SLC23A2: variants seen among roughly 807,000 people sequenced by gnomAD.
SLC23A2 encodes Na(+)/L-ascorbic acid transporter 2.
In SLC23A2, 36 loss-of-function variants were observed where a neutral mutation model predicts 73.3. That is an observed-to-expected ratio of 0.49 (90% CI 0.38 to 0.65). SLC23A2 has a LOEUF of 0.65. SLC23A2 is among the 30% of genes least tolerant of loss of function. SLC23A2 has a pLI of 0.00. For missense variants in SLC23A2, 507 were observed against 841.6 expected (o/e 0.60, Z 4.92); for synonymous variants, 343 against 327.3 (o/e 1.05, Z -0.52).
At chr20:4,972,317 T>C (rs1391536791) in intron 1 of SLC23A2, among the ~76,000 whole-genome samples, 2 of 151,822 alleles carry the variant, frequency 1.3e-5, no homozygotes, top group African/African-American at 4.8e-5. Context: ...ATCAGACTGG[T>C]ACCAGTCCAG....
chr20:4,989,032 A>G (rs1008087123), intron 1 of SLC23A2, among the ~76,000 whole-genome samples: 3 of 151,924 alleles, frequency 2.0e-5, no homozygotes, highest in Non-Finnish European at 2.9e-5. Context: ...GTCAGGAGGG[A>G]GTTCGAGACC....
chr20:4,970,382 G>A (rs939317221), intron 2 of SLC23A2, among the ~76,000 whole-genome samples: 1 of 152,074 alleles, frequency 6.6e-6, no homozygotes, highest in African/African-American at 2.4e-5. Context: ...ACGTACAAAG[G>A]TAAGGTCAAG....
chr20:4,859,251 TA>T (rs35881880), intron 16 of SLC23A2, 37 bp downstream of exon 16: 75,736 of 931,460 alleles, frequency 0.081, 7 homozygotes, highest in East Asian at 0.12. Flanking sequence ...TGTTAAAAAA[TA>T]AAAAAAAAAA....
intron 4 of SLC23A2, among the ~76,000 whole-genome samples, chr20:4,912,406 A>G (rs747159898): frequency 2.6e-5 from 4 of 152,124 alleles, no homozygotes; most frequent in Admixed American, 6.5e-5. Flanking sequence ...TATCTGTAAC[A>G]GGCACGATGC....
chr20:4,954,398 GA>G (rs1048118352), intron 2 of SLC23A2, among the ~76,000 whole-genome samples: 7 of 151,918 alleles, frequency 4.6e-5, no homozygotes, highest in Admixed American at 6.6e-5. Flanking sequence ...CAAACCCCAT[GA>G]AAAAAGGAAC....
In SLC23A2 at chr20:4,960,833, A is replaced by T. The variant is rs192601590; in HGVS notation, c.-155+9960T>A. Among the ~76,000 whole-genome samples, 218 of 152,324 alleles carry T rather than the reference A, an allele frequency of 1.4e-3. 1 individual carries two copies. The highest frequency in any genetic ancestry group is 4.9e-3 in the African/African-American group (205 of 41,576). ...AAACAAAATACCTGAAGCAAAAATG[A>T]CATGTTTAGATTTATTAGGTCTGGG... is the stretch of plus-strand genomic sequence containing the variant. On this transcript the variant is annotated intron_variant, in intron 2 of 16. Transcript: ENST00000338244.
At chr20:4,887,738 T>C (rs1931160100) in intron 6 of SLC23A2, among the ~76,000 whole-genome samples, 1 of 152,166 alleles carries the variant, frequency 6.6e-6, no homozygotes, top group African/African-American at 2.4e-5. Flanking sequence ...CGAGATGATC[T>C]GGAAAGGGCT....
At chr20:4,877,175 A>T (rs575098740) in intron 9 of SLC23A2, among the ~76,000 whole-genome samples, 7 of 149,586 alleles carry the variant, frequency 4.7e-5, no homozygotes, top group Non-Finnish European at 7.4e-5. Flanking sequence ...ATATAAATAA[A>T]TAAATAAATA....
In SLC23A2 at chr20:4,856,332, C is replaced by G. The variant is rs1415469876; in HGVS notation, c.*640G>C. ...TCAGATATTGGCTTCAGGGTCCTTTCCTTTTCCCTCCAATGCCCCAAACAG... is the reference window on the plus strand; with the variant it reads ...TCAGATATTGGCTTCAGGGTCCTTTGCTTTTCCCTCCAATGCCCCAAACAG... On this transcript the variant is annotated 3_prime_UTR_variant, in exon 17 of 17. Transcript: ENST00000338244. This position sits in a 1 kb window ranked among gnomAD's most constrained non-coding sequence, Gnocchi z 4.6. The G allele has an allele frequency of 6.6e-6, 1 of 152,284 alleles. No individual in the cohort carries two copies. The highest frequency in any genetic ancestry group is 1.5e-5 in the Non-Finnish European group (1 of 68,110). 9.4% of individuals were successfully genotyped at this position (152,284 alleles called of 1,614,324 possible). A position where few individuals can be genotyped will look rare whatever the true frequency, so the allele number is the denominator to read the frequency against.
At chr20:4,967,348 G>C (rs2087489975) in intron 2 of SLC23A2, among the ~76,000 whole-genome samples, 1 of 151,930 alleles carries the variant, frequency 6.6e-6, no homozygotes, top group Admixed American at 6.6e-5. Flanking sequence ...ATAAACAGCT[G>C]GTCTTAATCC....
At position 4,853,151 on chromosome 20, in the gene SLC23A2, C is replaced by T. The variant is rs1025048953; in HGVS notation, c.*3821G>A. The T allele has an allele frequency of 6.6e-6, 1 of 152,360 alleles. No homozygotes were observed. Among genetic ancestry groups the T allele is most frequent in the South Asian group, 2.1e-4 (1 of 4,840 alleles). The allele number at this position is 152,360 out of a possible 1,614,324, so 9.4% of individuals were successfully genotyped here. On this transcript the variant is annotated 3_prime_UTR_variant, in exon 17 of 17. Transcript: ENST00000338244. ...TGGAGAAGCGAGCTTTGCGAATGCTCAGGCCCGGAGCCGCACACTAACGCG... is the reference window on the plus strand; with the variant it reads ...TGGAGAAGCGAGCTTTGCGAATGCTTAGGCCCGGAGCCGCACACTAACGCG...
chr20:4,986,675 C>CAT (rs2087834512), intron 1 of SLC23A2, among the ~76,000 whole-genome samples: 1 of 141,934 alleles, frequency 7.0e-6, no homozygotes, highest in African/African-American at 2.5e-5. Context: ...CACACACACA[C>CAT]ACACACACAC....
At chr20:4,996,279 C>G (rs1000754975) in intron 1 of SLC23A2, among the ~76,000 whole-genome samples, 5 of 152,142 alleles carry the variant, frequency 3.3e-5, no homozygotes, top group Non-Finnish European at 7.3e-5. Context: ...GGATTCATCT[C>G]TGTAAGAGTT....
At chr20:4,941,190 C>A (rs1013208342) in intron 2 of SLC23A2, among the ~76,000 whole-genome samples, 1 of 151,566 alleles carries the variant, frequency 6.6e-6, no homozygotes, top group African/African-American at 2.4e-5. Context: ...ACAACATGAG[C>A]AAATTCTAGA....
chr20:4,917,422 A>C (rs1019751890), intron 3 of SLC23A2, among the ~76,000 whole-genome samples: 3 of 152,150 alleles, frequency 2.0e-5, no homozygotes, highest in Non-Finnish European at 4.4e-5. Context: ...AGATGCCATC[A>C]CAGCACAGCA....
rs771700892 is a variant in SLC23A2 at position 4,912,869 on chromosome 20, G to A, written c.207+11C>T. On this transcript the variant is annotated intron_variant, in intron 4 of 16. Transcript: ENST00000338244. ...GGTGGGAGTGGGGACACGGGGTGAC[G>A]GAAGGGGTACCTTTTCTGCAATGCC... 4.0e-5 allele frequency: 63 copies of A among 1,570,930 alleles called. No individual in the cohort carries two copies. The highest frequency in any genetic ancestry group is 4.6e-5 in the Non-Finnish European group (53 of 1,141,252).
intron 5 of SLC23A2, among the ~76,000 whole-genome samples, chr20:4,901,960 A>G (rs565143550): frequency 3.8e-4 from 57 of 151,970 alleles, no homozygotes; most frequent in South Asian, 6.2e-4. Context: ...TTTCCCTGGT[A>G]ATCCATTCTA....
intron 1 of SLC23A2, among the ~76,000 whole-genome samples, chr20:5,007,895 T>C (rs1443592176): frequency 6.6e-6 from 1 of 152,130 alleles, no homozygotes; most frequent in Non-Finnish European, 1.5e-5. Flanking sequence ...TGATAAAATA[T>C]ATGTATAATA....
intron 9 of SLC23A2, 86 bp from the exon 10 acceptor site, chr20:4,874,782 A>G: frequency 8.6e-7 from 1 of 1,156,764 alleles, no homozygotes; most frequent in Non-Finnish European, 1.2e-6. Flanking sequence ...GGCAAAATTG[A>G]CATAGTGTTC....
Sources: gnomAD v4.1 joint callset for allele counts (sites outside exome capture counted in the v4.1 genomes callset) on GRCh38, gnomAD v4.1.1 for gene constraint, Gnocchi (gnomAD v3.1) non-coding constraint, MANE v1.5 for transcripts, NCBI Gene and HGNC (gene_info 2026-07-23, HGNC 2026-07-21) for gene names.